Variants in CMTR1 observed in about 807,000 individuals in gnomAD.
CMTR1 encodes cap methyltransferase 1.
CMTR1 carries 39 observed loss-of-function variants against 107.0 expected under a neutral mutation model. That is an observed-to-expected ratio of 0.36 (90% CI 0.28 to 0.48). CMTR1 has a LOEUF of 0.48. CMTR1 is among the 20% of genes least tolerant of loss of function. CMTR1 has a pLI of 0.99. For synonymous variants in CMTR1, 366 were observed against 379.5 expected (o/e 0.96, Z 0.41); for missense variants, 672 against 1,064.9 (o/e 0.63, Z 5.14).
chr6:37,442,202 G>A (rs1200412282), intron 2 of CMTR1, among the ~76,000 whole-genome samples: 1 of 152,226 alleles, frequency 6.6e-6, no homozygotes, highest in African/African-American at 2.4e-5. Context: ...AACCAGTATA[G>A]TAGTCTGATC....
At chr6:37,474,152 CTT>C (rs1761685915) in intron 17 of CMTR1, among the ~76,000 whole-genome samples, 1 of 152,230 alleles carries the variant, frequency 6.6e-6, no homozygotes, top group African/African-American at 2.4e-5. Flanking sequence ...CCCTCTCACA[CTT>C]TGTCTTTTTC....
chr6:37,424,944 C>CTTT, the CMTR1 span, among the ~76,000 whole-genome samples: 6 of 101,406 alleles, frequency 5.9e-5, no homozygotes, highest in African/African-American at 9.0e-5. Context: ...TTTTCCCTCA[C>CTTT]TTTTTTTTTT....
At chr6:37,425,893 C>T in the CMTR1 span, among the ~76,000 whole-genome samples, 1 of 152,292 alleles carries the variant, frequency 6.6e-6, no homozygotes, top group South Asian at 2.1e-4. Flanking sequence ...CTCTCTGCCC[C>T]TCTGACACTC....
chr6:37,430,263 T>C (rs1206778833), upstream of CMTR1, among the ~76,000 whole-genome samples: 1 of 152,228 alleles, frequency 6.6e-6, no homozygotes, highest in African/African-American at 2.4e-5. Flanking sequence ...AATCCTCAGA[T>C]AGTTGTTCCA....
At position 37,461,442 on chromosome 6, in the gene CMTR1, G is replaced by GAT. The variant is rs548444033; in HGVS notation, c.1096-106_1096-105dup. On this transcript the variant is annotated intron_variant, in intron 10 of 23. Transcript: ENST00000373451. ...GCTGCTTCTTCATCAATCAGATGGTGATCAGTGAAAACACTTCAAGAACTC... is the reference window on the plus strand; with the variant it reads ...GCTGCTTCTTCATCAATCAGATGGTGATATCAGTGAAAACACTTCAAGAACTC... The GAT allele has an allele frequency of 2.0e-4, 122 of 613,416 alleles. No homozygotes were observed. The African/African-American group carries it at 2.0e-3, about 10-fold the overall frequency. The allele number at this position is 613,416 out of a possible 1,614,324, so 38.0% of individuals were successfully genotyped here.
intron 23 of CMTR1, 65 bp downstream of exon 23, chr6:37,479,320 C>T: frequency 8.5e-7 from 1 of 1,182,042 alleles, no homozygotes; most frequent in East Asian, 2.3e-5. Context: ...GGATGCCAGC[C>T]AGCTGTCTTG....
Position 37,433,286 on chromosome 6 carries a change from C to G in CMTR1, c.-98C>G, listed in dbSNP as rs950743215. On this transcript the variant is annotated 5_prime_UTR_variant, in exon 1 of 24. Coordinates refer to ENST00000373451, the MANE Select transcript of CMTR1 (RefSeq NM_015050.3). ...CGGGCTGGCTTGTGGGGAAACGAAA[C>G]TGAGGGAGGAGGCGGCGGCTCTGGC... The G allele has an allele frequency of 6.5e-6, 1 of 154,418 alleles. No homozygotes were observed. Among genetic ancestry groups the G allele is most frequent in the South Asian group, 2.0e-4 (1 of 4,918 alleles). The allele number at this position is 154,418 out of a possible 1,614,324, so 9.6% of individuals were successfully genotyped here.
the CMTR1 span, among the ~76,000 whole-genome samples, chr6:37,427,843 A>C: frequency 1.1e-4 from 16 of 152,120 alleles, no homozygotes; most frequent in Non-Finnish European, 1.8e-4. The surrounding 1 kb of genome is among the most constrained non-coding windows in gnomAD (Gnocchi z 4.4). Context: ...GGATATTTCT[A>C]CTGGATATAG....
intron 6 of CMTR1, among the ~76,000 whole-genome samples, chr6:37,452,674 G>A (rs1220004173): frequency 6.6e-6 from 1 of 152,154 alleles, no homozygotes; most frequent in Admixed American, 6.5e-5. Flanking sequence ...TCTAAGTGAG[G>A]TCTAGTCAGG....
rs371410014 is a variant in CMTR1, at chr6:37,480,171, A to C, written c.*26A>C. 1.6e-4 allele frequency: 255 copies of C among 1,595,576 alleles called. No homozygotes were observed. Among genetic ancestry groups the C allele is most frequent in the Non-Finnish European group, 2.1e-4 (247 of 1,172,150 alleles). On this transcript the variant is annotated 3_prime_UTR_variant, in exon 24 of 24. Coordinates refer to ENST00000373451, the MANE Select transcript of CMTR1 (RefSeq NM_015050.3). ...GAGCCTCAGAATGTGCCACCCCTGC[A>C]GAATGCCCTGTCATTCCTGAGATGG...
At chr6:37,473,405 C>G in intron 16 of CMTR1, 65 bp from the exon 17 acceptor site, 1 of 1,557,084 alleles carries the variant, frequency 6.4e-7, no homozygotes, top group Non-Finnish European at 8.7e-7. Flanking sequence ...GCCCCCAGCC[C>G]AGATAGGCAC....
chr6:37,478,820 G>C (rs1405688750), intron 22 of CMTR1, among the ~76,000 whole-genome samples: 2 of 152,310 alleles, frequency 1.3e-5, no homozygotes, highest in Admixed American at 1.3e-4. Context: ...AATCCAGAAA[G>C]TCAAGCTTGG....
intron 17 of CMTR1, among the ~76,000 whole-genome samples, chr6:37,474,131 C>T (rs892267415): frequency 6.6e-6 from 1 of 152,240 alleles, no homozygotes; most frequent in African/African-American, 2.4e-5. Context: ...TCCTCAGTTA[C>T]TTCTTTTGTA....
intron 6 of CMTR1, 126 bp downstream of exon 6, chr6:37,452,003 C>G (rs1385264718): frequency 1.4e-6 from 1 of 704,546 alleles, no homozygotes; most frequent in Non-Finnish European, 2.4e-6. Context: ...AGATCAGATG[C>G]ATAGCTTGGT....
At position 37,472,580 on chromosome 6, in the gene CMTR1, A is replaced by C. The variant is rs1761650088; in HGVS notation, c.1689+93A>C. On this transcript the variant is annotated intron_variant, in intron 16 of 23. Transcript: ENST00000373451. The surrounding 1 kb of genome is among the most constrained non-coding windows in gnomAD (Gnocchi z 4.1). ...GAGGCCCCAGATGCATGGTCTCCAG[A>C]GGGCTTGTGCAGATGCCCACCATGG... 1.5e-6 allele frequency: 2 copies of C among 1,304,010 alleles called. No individual in the cohort carries two copies. Among genetic ancestry groups the C allele is most frequent in the Non-Finnish European group, 2.2e-6 (2 of 901,798 alleles). The allele number at this position is 1,304,010 out of a possible 1,614,324, so 80.8% of individuals were successfully genotyped here.
At chr6:37,461,378 TAACAAGCCC>T (rs1181877947) in intron 10 of CMTR1, among the ~76,000 whole-genome samples, 162 bp from the exon 11 acceptor site, 3 of 152,234 alleles carry the variant, frequency 2.0e-5, no homozygotes, top group African/African-American at 4.8e-5. Flanking sequence ...TTACTCCATC[TAACAAGCCC>T]AGTGACCTTC....
At chr6:37,468,290 C>A (rs571363346) in intron 13 of CMTR1, among the ~76,000 whole-genome samples, 5 of 152,084 alleles carry the variant, frequency 3.3e-5, no homozygotes, top group African/African-American at 1.2e-4. Context: ...ACGATACATG[C>A]TATTGTTCTT....
At chr6:37,476,629 G>GGGT (rs1390763255) in intron 20 of CMTR1, among the ~76,000 whole-genome samples, 2 of 53,880 alleles carry the variant, frequency 3.7e-5, no homozygotes, top group African/African-American at 3.8e-4. Flanking sequence ...AAGGAGGCCA[G>GGGT]GGTTGTAATG....
In CMTR1 at chr6:37,480,768, G is replaced by T. The variant is rs1411752003; in HGVS notation, c.*623G>T. The T allele has an allele frequency of 1.8e-6, 2 of 1,088,242 alleles. No individual in the cohort carries two copies. Among genetic ancestry groups the T allele is most frequent in the African/African-American group, 3.4e-5 (2 of 59,322 alleles). 67.4% of individuals were successfully genotyped at this position (1,088,242 alleles called of 1,614,324 possible). On this transcript the variant is annotated 3_prime_UTR_variant, in exon 24 of 24. Transcript: ENST00000373451. Reference sequence around the variant, plus strand: ...GCCCAGAGCTCTGACAGTCCAGCAGGGTGGGAAGGAGGGAGTTTGGGCAAA... The same window carrying T: ...GCCCAGAGCTCTGACAGTCCAGCAGTGTGGGAAGGAGGGAGTTTGGGCAAA...
Sources: allele counts gnomAD v4.1 joint callset (sites outside exome capture counted in the v4.1 genomes callset), GRCh38; gene constraint gnomAD v4.1.1; non-coding constraint Gnocchi (gnomAD v3.1); transcripts MANE v1.5; gene names NCBI Gene and HGNC (gene_info 2026-07-23, HGNC 2026-07-21).